TSPAN18: variants seen among roughly 807,000 people sequenced by gnomAD.
TSPAN18 encodes the protein tetraspanin-18.
In TSPAN18, 14 loss-of-function variants were observed where a neutral mutation model predicts 27.3. That is an observed-to-expected ratio of 0.51 (90% CI 0.34 to 0.80). TSPAN18 has a LOEUF of 0.80. Among genes scored for constraint, TSPAN18 ranks in the 30% least tolerant of loss-of-function variants. TSPAN18 has a pLI of 0.01. For synonymous variants in TSPAN18, 143 were observed against 136.5 expected (o/e 1.05, Z -0.33); for missense variants, 268 against 323.9 (o/e 0.83, Z 1.32).
At chr11:44,920,852 C>T (rs146987810) in intron 8 of TSPAN18, among the ~76,000 whole-genome samples, 54 of 152,292 alleles carry the variant, frequency 3.5e-4, no homozygotes, top group East Asian at 2.7e-3. Flanking sequence ...CATTAGAGGA[C>T]GCGCAAGATG....
At chr11:44,812,065 A>G (rs1480303297) in intron 2 of TSPAN18, among the ~76,000 whole-genome samples, 2 of 152,188 alleles carry the variant, frequency 1.3e-5, no homozygotes, top group East Asian at 3.8e-4. Context: ...ACTCTCAATG[A>G]GTAATCAAAC....
In TSPAN18 at chr11:44,909,863, C is replaced by T. The variant is rs773674787; in HGVS notation, c.222C>T (p.Cys74=). 52 of 1,613,660 alleles carry T rather than the reference C, an allele frequency of 3.2e-5. No individual in the cohort carries two copies. The highest frequency in any genetic ancestry group is 1.3e-4 in the African/African-American group (10 of 74,940). Residue 74 remains cysteine (C), a synonymous_variant, in exon 5 of 10, where the codon TGC becomes TGT. Coordinates refer to ENST00000520358, the MANE Select transcript of TSPAN18 (RefSeq NM_130783.5). ...TTCTGCTCGGCTTCCTGGGCTGCTG[C>T]GGGGCCGTCCGTGAGAACAAGTGTC... ...LLFLLGFLGC[C]GAVRENKCLL... is the part of the protein sequence containing the mutation.
chr11:44,917,028 C>T (rs1859936610), intron 5 of TSPAN18, among the ~76,000 whole-genome samples: 1 of 152,226 alleles, frequency 6.6e-6, no homozygotes, highest in Non-Finnish European at 1.5e-5. Context: ...GTGCTCCACC[C>T]CGGCTCATTC....
intron 2 of TSPAN18, among the ~76,000 whole-genome samples, chr11:44,849,483 G>T (rs1371095080): frequency 1.3e-5 from 2 of 152,202 alleles, no homozygotes; most frequent in African/African-American, 4.8e-5. Context: ...ACAGAGGCAA[G>T]GGGGCTGGAC....
chr11:44,919,368 A>G, intron 7 of TSPAN18, 56 bp downstream of exon 7: 1 of 1,433,360 alleles, frequency 7.0e-7, no homozygotes. Context: ...CCCAGTGTTC[A>G]CATGCCCACG....
chr11:44,755,498 G>A (rs146302458), intron 1 of TSPAN18, among the ~76,000 whole-genome samples: 28 of 152,054 alleles, frequency 1.8e-4, no homozygotes, highest in Middle Eastern at 3.4e-3. Context: ...GGTTCTCAGC[G>A]CTCAGGTGGC....
At chr11:44,897,117 A>G (rs1859087084) in intron 3 of TSPAN18, among the ~76,000 whole-genome samples, 1 of 152,052 alleles carries the variant, frequency 6.6e-6, no homozygotes, top group Non-Finnish European at 1.5e-5. Flanking sequence ...CCTCTAACCC[A>G]AAGTTTGAGC....
intron 2 of TSPAN18, among the ~76,000 whole-genome samples, chr11:44,794,710 G>A (rs997584710): frequency 4.0e-5 from 6 of 151,812 alleles, no homozygotes; most frequent in African/African-American, 1.2e-4. Context: ...GTTCCGAGAC[G>A]TAAGTTCAAA....
chr11:44,909,457 G>A, intron 4 of TSPAN18: 1 of 503,514 alleles, frequency 2.0e-6, no homozygotes, highest in Non-Finnish European at 3.5e-6. Context: ...GCCCGAGGTG[G>A]GGCTTGGGTC....
At chr11:44,895,901 T>C (rs1009553411) in intron 3 of TSPAN18, among the ~76,000 whole-genome samples, 1 of 152,162 alleles carries the variant, frequency 6.6e-6, no homozygotes, top group Non-Finnish European at 1.5e-5. Context: ...GGGCTGGGCA[T>C]GGGGTGCAGG....
At chr11:44,798,667 A>G (rs1168443114) in intron 2 of TSPAN18, among the ~76,000 whole-genome samples, 1 of 152,128 alleles carries the variant, frequency 6.6e-6, no homozygotes. Flanking sequence ...TGCTGAGTAT[A>G]TTAGAAACCC....
intron 1 of TSPAN18, among the ~76,000 whole-genome samples, chr11:44,750,410 A>AT (rs1316367285): frequency 6.6e-6 from 1 of 152,220 alleles, no homozygotes; most frequent in Non-Finnish European, 1.5e-5. Flanking sequence ...GAAACACTGT[A>AT]TTTACCCAAA....
At chr11:44,752,501 A>C (rs1855235102) in intron 1 of TSPAN18, among the ~76,000 whole-genome samples, 1 of 152,230 alleles carries the variant, frequency 6.6e-6, no homozygotes. Flanking sequence ...CCAATTCATG[A>C]ATCACAATAA....
rs35373492 is a variant in TSPAN18, at chr11:44,851,615, T to TCCCCCCC, written c.-152-8710_-152-8704dup. Among the ~76,000 whole-genome samples, 133 of 122,702 alleles carry TCCCCCCC rather than the reference T, an allele frequency of 1.1e-3. 1 individual carries two copies. The highest frequency in any genetic ancestry group is 1.3e-3 in the Non-Finnish European group (71 of 55,470). 80.5% of individuals were successfully genotyped at this position (122,702 alleles called of 152,430 possible). ...TGTTAGCCCAGGTACTCTTGTCACC[T>TCCCCCCC]CCCCCCCCCAACGGCTGGGTCCCTG... On this transcript the variant is annotated intron_variant, in intron 2 of 9. Transcript: ENST00000520358.
chr11:44,903,050 C>T (rs571513909), intron 3 of TSPAN18, among the ~76,000 whole-genome samples: 4 of 152,224 alleles, frequency 2.6e-5, no homozygotes, highest in Admixed American at 1.3e-4. Context: ...CAGGAGGGCA[C>T]AGCCACGACT....
intron 3 of TSPAN18, among the ~76,000 whole-genome samples, chr11:44,880,132 A>G (rs546108097): frequency 1.3e-5 from 2 of 152,370 alleles, no homozygotes; most frequent in African/African-American, 4.8e-5. Context: ...CAAACTGCAC[A>G]GTCAAAGACC....
chr11:44,851,622 C>CT (rs1554991795), intron 2 of TSPAN18, among the ~76,000 whole-genome samples: 16 of 148,442 alleles, frequency 1.1e-4, no homozygotes, highest in African/African-American at 3.9e-4. Flanking sequence ...ACCTCCCCCC[C>CT]CCAACGGCTG....
intron 2 of TSPAN18, among the ~76,000 whole-genome samples, chr11:44,811,261 T>G (rs1856709834): frequency 6.6e-6 from 1 of 152,174 alleles, no homozygotes; most frequent in Non-Finnish European, 1.5e-5. Flanking sequence ...TTGATGTTTA[T>G]TCACATAATC....
chr11:44,762,721 C>A (rs1384255721), intron 1 of TSPAN18, among the ~76,000 whole-genome samples: 8 of 152,020 alleles, frequency 5.3e-5, no homozygotes, highest in African/African-American at 1.9e-4. Flanking sequence ...ATGAGGTCCC[C>A]CTGCGCTGAC....
Sources: allele counts gnomAD v4.1 joint callset (sites outside exome capture counted in the v4.1 genomes callset), GRCh38; gene constraint gnomAD v4.1.1; transcripts MANE v1.5; gene names NCBI Gene and HGNC (gene_info 2026-07-23, HGNC 2026-07-21).